Variants in CTNND2 observed in about 807,000 individuals in gnomAD.
CTNND2 encodes the protein catenin delta 2.
CTNND2 carries 22 observed loss-of-function variants against 144.4 expected under a neutral mutation model. The ratio of observed to expected loss-of-function variants is 0.15; its 90% CI spans 0.11 to 0.22. The LOEUF (loss-of-function observed/expected upper bound fraction) is 0.22, where lower values mean the gene tolerates loss of function less well. Ranked by LOEUF, CTNND2 falls within the 10% of genes least tolerant of loss-of-function variation. The pLI is 1.00. For missense variants in CTNND2, 1,353 were observed against 1,618.8 expected, an observed-to-expected ratio of 0.84 and a Z score of 2.82; for synonymous variants, 751 against 695.6, an observed-to-expected ratio of 1.08 and a Z score of -1.25.
chr5:11,722,079 C>A (rs1022351255), intron 2 of CTNND2, among the ~76,000 whole-genome samples: 2 of 152,268 alleles, frequency 1.3e-5, no homozygotes, highest in Non-Finnish European at 1.5e-5. Context: ...ACATTTCTAA[C>A]AAAACCACCT....
rs577323637 is a variant in CTNND2 at position 11,584,428 on chromosome 5, G to A, written c.175-19372C>T. Among the ~76,000 whole-genome samples, 95 of 145,370 alleles carry A rather than the reference G, an allele frequency of 6.5e-4. 1 individual carries two copies. Among genetic ancestry groups the A allele is most frequent in the African/African-American group, 2.2e-3 (88 of 40,114 alleles). On this transcript the variant is annotated intron_variant, in intron 2 of 21. Transcript: ENST00000304623. ...ATACATATATATATATTTTTTTTGG[G>A]GGGGGGGAGGAGGAAGCTAGTACTG...
At chr5:11,541,013 G>A (rs1340715153) in intron 3 of CTNND2, among the ~76,000 whole-genome samples, 1 of 152,182 alleles carries the variant, frequency 6.6e-6, no homozygotes, top group Non-Finnish European at 1.5e-5. Flanking sequence ...AATACCATGA[G>A]TCAGACTGCA....
At chr5:11,178,218 C>G (rs1053861075) in intron 11 of CTNND2, among the ~76,000 whole-genome samples, 2 of 152,116 alleles carry the variant, frequency 1.3e-5, no homozygotes, top group African/African-American at 4.8e-5. Context: ...ACTATGAAAT[C>G]AAAGATGGAT....
In CTNND2 at chr5:11,874,926, A is replaced by T. The variant is rs79666699; in HGVS notation, c.37+28891T>A. Among the ~76,000 whole-genome samples the T allele has an allele frequency of 5.0e-3, 762 of 152,318 alleles. 7 individuals carry two copies. The highest frequency in any genetic ancestry group is 0.017 in the African/African-American group (725 of 41,568). Reference sequence around the variant, plus strand: ...ATAACCCAGACATCTTTTAAGTTACATATGAAAGAATGGAAATGTACCAGT... The same window carrying T: ...ATAACCCAGACATCTTTTAAGTTACTTATGAAAGAATGGAAATGTACCAGT... On this transcript the variant is annotated intron_variant, in intron 1 of 21. Transcript: ENST00000304623.
chr5:11,794,936 A>G (rs1301816394), intron 1 of CTNND2, among the ~76,000 whole-genome samples: 3 of 152,174 alleles, frequency 2.0e-5, no homozygotes, highest in Admixed American at 6.5e-5. Flanking sequence ...TACAAAATAA[A>G]TGTACAATTA....
At chr5:11,493,801 A>C (rs26154) in intron 3 of CTNND2, among the ~76,000 whole-genome samples, 72,991 of 151,918 alleles carry the variant, frequency 0.48, 17,921 homozygotes, top group Middle Eastern at 0.59. Context: ...TTTCAGAAGA[A>C]CATGCTATTC....
intron 10 of CTNND2, among the ~76,000 whole-genome samples, chr5:11,211,476 T>A (rs760932783): frequency 6.6e-6 from 1 of 152,204 alleles, no homozygotes; most frequent in Admixed American, 6.5e-5. Context: ...CACTAAAAAA[T>A]GGCCAAATTC....
At chr5:11,770,390 T>C (rs1244640546) in intron 1 of CTNND2, among the ~76,000 whole-genome samples, 1 of 131,434 alleles carries the variant, frequency 7.6e-6, no homozygotes, top group South Asian at 2.3e-4. Flanking sequence ...TTGTTACACG[T>C]GGTATTAAAA....
chr5:11,397,442 A>G (rs1760251734), intron 5 of CTNND2, among the ~76,000 whole-genome samples: 1 of 152,088 alleles, frequency 6.6e-6, no homozygotes, highest in Non-Finnish European at 1.5e-5. Context: ...GATTTTTCAA[A>G]TGATCTCATC....
At chr5:11,390,956 G>A (rs973998204) in intron 6 of CTNND2, among the ~76,000 whole-genome samples, 1 of 152,144 alleles carries the variant, frequency 6.6e-6, no homozygotes, top group African/African-American at 2.4e-5. Flanking sequence ...TGCAGCTGGG[G>A]AGCACATTCA....
chr5:11,114,247 C>G (rs1377128213), intron 13 of CTNND2, among the ~76,000 whole-genome samples: 1 of 152,202 alleles, frequency 6.6e-6, no homozygotes, highest in African/African-American at 2.4e-5. Context: ...GGAGGCATCA[C>G]TGTTCCTCTG....
At chr5:11,096,787 G>A (rs533692620) in intron 15 of CTNND2, among the ~76,000 whole-genome samples, 1 of 149,598 alleles carries the variant, frequency 6.7e-6, no homozygotes, top group East Asian at 1.9e-4. Flanking sequence ...GAGGGAGGGA[G>A]GAAGAGAGAG....
chr5:11,240,467 ACACT>A (rs1335170967), intron 9 of CTNND2, among the ~76,000 whole-genome samples: 8 of 117,160 alleles, frequency 6.8e-5, no homozygotes, highest in South Asian at 3.1e-4. Flanking sequence ...CCCAACACAC[ACACT>A]CACATACACT....
In CTNND2 at chr5:11,083,169, A is replaced by G. The variant is rs2907104; in HGVS notation, c.2638-323T>C. Among the ~76,000 whole-genome samples, 10,669 of 152,264 alleles carry G rather than the reference A, an allele frequency of 0.07. 1,230 individuals carry two copies. The highest frequency in any genetic ancestry group is 0.24 in the African/African-American group (10,079 of 41,514). On this transcript the variant is annotated intron_variant, in intron 15 of 21. Coordinates refer to ENST00000304623, the MANE Select transcript of CTNND2 (RefSeq NM_001332.4). ...GCTTCAAGATACAGAGGTTTGGGAC[A>G]AGCGGATGTGGCCAGTGGCATTAAA...
chr5:11,068,786 G>A (rs1202903241), intron 16 of CTNND2, among the ~76,000 whole-genome samples: 3 of 152,272 alleles, frequency 2.0e-5, no homozygotes, highest in South Asian at 2.1e-4. Flanking sequence ...GCGTGGTGGC[G>A]GGCGCCTGTA....
At chr5:11,869,641 G>A (rs114725556) in intron 1 of CTNND2, among the ~76,000 whole-genome samples, 241 of 152,288 alleles carry the variant, frequency 1.6e-3, no homozygotes, top group African/African-American at 5.7e-3. Context: ...AAAAGTTCTG[G>A]AAATGATAAT....
Position 11,568,267 on chromosome 5 carries a change from T to C in CTNND2, c.175-3211A>G, listed in dbSNP as rs987889616. Among the ~76,000 whole-genome samples the C allele has an allele frequency of 1.3e-4, 20 of 152,196 alleles. 1 individual carries two copies. Among genetic ancestry groups the C allele is most frequent in the African/African-American group, 4.6e-4 (19 of 41,450 alleles). On this transcript the variant is annotated intron_variant, in intron 2 of 21. Coordinates refer to ENST00000304623, the MANE Select transcript of CTNND2 (RefSeq NM_001332.4). ...TATGAGAAAGGGCACCTTGCCTTTC[T>C]GATATTTGGACCCATGAACTCCCTG...
chr5:11,728,210 C>T (rs192811387), intron 2 of CTNND2, among the ~76,000 whole-genome samples: 2,302 of 152,104 alleles, frequency 0.015, 63 homozygotes, highest in African/African-American at 0.052. Flanking sequence ...CGGTGGCTCA[C>T]GCCTGTAATC....
intron 18 of CTNND2, among the ~76,000 whole-genome samples, chr5:10,999,653 C>T (rs987166078): frequency 6.6e-6 from 1 of 152,304 alleles, no homozygotes; most frequent in East Asian, 1.9e-4. Flanking sequence ...GATATGATAT[C>T]TGTGCCTCAA....
Sources: gnomAD v4.1 joint callset for allele counts (sites outside exome capture counted in the v4.1 genomes callset) on GRCh38, gnomAD v4.1.1 for gene constraint, MANE v1.5 for transcripts, NCBI Gene and HGNC (gene_info 2026-07-23, HGNC 2026-07-21) for gene names.